The following TPR variants were observed in gnomAD, a reference collection of about 807,000 sequenced individuals.
The protein encoded by TPR is translocated promoter region, nuclear basket protein, also known as nucleoprotein TPR.
Under a neutral mutation model 316.1 loss-of-function variants are expected in TPR, and 51 were observed. The ratio of observed to expected loss-of-function variants is 0.16; its 90% confidence interval spans 0.13 to 0.20. TPR has a LOEUF of 0.20. Among genes scored for constraint, TPR ranks in the 10% least tolerant of loss-of-function variants. TPR has a pLI of 1.00. For synonymous variants in TPR, 981 were observed against 914.7 expected, an observed-to-expected ratio of 1.07 and a Z score of -1.31; for missense variants, 2,272 against 2,754.8, an observed-to-expected ratio of 0.82 and a Z score of 3.92.
chr1:186,349,955 CAATA>C (rs1311316944), intron 21 of TPR, among the ~76,000 whole-genome samples: 3 of 152,058 alleles, frequency 2.0e-5, no homozygotes, highest in Admixed American at 6.5e-5. Flanking sequence ...TTTAAAGTAT[CAATA>C]AATAGTTTCA....
intron 4 of TPR, among the ~76,000 whole-genome samples, chr1:186,365,997 T>C (rs898579688): frequency 2.0e-5 from 3 of 152,310 alleles, no homozygotes; most frequent in African/African-American, 4.8e-5. Flanking sequence ...TAACAGACTA[T>C]CTGGTGGAAG....
At chr1:186,332,513 T>C (rs554462514) in intron 37 of TPR, among the ~76,000 whole-genome samples, 170 bp from the exon 38 acceptor site, 1 of 152,212 alleles carries the variant, frequency 6.6e-6, no homozygotes, top group East Asian at 1.9e-4. Context: ...TCAACATAAT[T>C]TGTTTCTGCT....
intron 13 of TPR, 134 bp from the exon 14 acceptor site, chr1:186,357,757 T>C (rs1470603559): frequency 1.4e-6 from 1 of 706,072 alleles, no homozygotes; most frequent in African/African-American, 1.8e-5. Context: ...TCTTTAAAAA[T>C]AAAGCATCCT....
chr1:186,359,788 A>T lies in TPR; in HGVS notation c.1389+11T>A. 6.4e-7 allele frequency: 1 copy of T among 1,572,190 alleles called. No homozygotes were observed. Among genetic ancestry groups the T allele is most frequent in the Non-Finnish European group, 8.6e-7 (1 of 1,168,174 alleles). On this transcript the variant is annotated intron_variant, in intron 12 of 50. Coordinates refer to ENST00000367478, the MANE Select transcript of TPR (RefSeq NM_003292.3). ...TTGTTACCACGGCTAAATTTTAGGA[A>T]TGGAACCAACCTTCATAGCTTGTTC...
In TPR at chr1:186,318,776, A is replaced by G; in HGVS notation, c.6621T>C (p.Gly2207=). The change falls in exon 47 of 51, where the codon GGT becomes GGC. Residue 2207 remains glycine, a synonymous_variant. Coordinates refer to ENST00000367478, the MANE Select transcript of TPR (RefSeq NM_003292.3). ...GTGGAGTAGTGGGAACACTTCGGCCACCTGACTCTTCTTCATGAGCTAGGA... is the reference window on the plus strand; with the variant it reads ...GTGGAGTAGTGGGAACACTTCGGCCGCCTGACTCTTCTTCATGAGCTAGGA... ...PLFLAHEEES[G]GRSVPTTPLQ... The G allele has an allele frequency of 6.2e-7, 1 of 1,614,208 alleles. No homozygotes were observed. Among genetic ancestry groups the G allele is most frequent in the Non-Finnish European group, 8.5e-7 (1 of 1,180,040 alleles).
chr1:186,328,102 G>A (rs1658053878), intron 39 of TPR, among the ~76,000 whole-genome samples: 1 of 151,990 alleles, frequency 6.6e-6, no homozygotes, highest in Non-Finnish European at 1.5e-5. Flanking sequence ...TTTTAAAAAT[G>A]GCATTTCAAG....
At chr1:186,320,490 A>T in intron 45 of TPR, 72 bp from the exon 46 acceptor site, 10 of 1,312,812 alleles carry the variant, frequency 7.6e-6, no homozygotes, top group Non-Finnish European at 1.0e-5. Context: ...TGAAAAAAAT[A>T]TAGGAAGAAG....
chr1:186,326,204 T>C lies in TPR; in HGVS notation c.5921A>G (p.Asp1974Gly). 1 of 1,611,410 alleles carries C rather than the reference T, an allele frequency of 6.2e-7. No individual in the cohort carries two copies. The highest frequency in any genetic ancestry group is 8.5e-7 in the Non-Finnish European group (1 of 1,178,074). ...DYEEDEEDDD[D>G]DEDDTGMGDE... ...TCCCATCCCTGTGTCATCTTCATCA[T>C]CATCATCATCTTCCTCATCCTCTTC... is the stretch of plus-strand genomic sequence containing the variant. Residue 1974 changes from aspartate (D) to glycine (G), a missense_variant, in exon 41 of 51, where the codon GAT (aspartate) becomes GGT (glycine). Around this residue, in one of 10 missense-constraint regions of TPR, gnomAD observed 435 missense variants for 461.1 expected, o/e 0.94. Transcript: ENST00000367478.
At chr1:186,340,462 C>T (rs1032181253) in intron 29 of TPR, among the ~76,000 whole-genome samples, 10 of 151,544 alleles carry the variant, frequency 6.6e-5, no homozygotes, top group South Asian at 6.2e-4. Context: ...GACAGGGTCT[C>T]CCTCTCTCAC....
chr1:186,313,676 T>C lies in TPR; in HGVS notation c.*295A>G, dbSNP rs779582276. On this transcript the variant is annotated 3_prime_UTR_variant, in exon 51 of 51. Transcript: ENST00000367478. ...AACTAAAAAAATGTTTTCTCTTCCA[T>C]TTAGATCAATACTATAACATTGATG... is the stretch of plus-strand genomic sequence containing the variant. 37 of 1,563,308 alleles carry C rather than the reference T, an allele frequency of 2.4e-5. No homozygotes were observed. Among genetic ancestry groups the C allele is most frequent in the Non-Finnish European group, 3.2e-5 (36 of 1,134,312 alleles).
At chr1:186,332,381 A>G (rs1412425666) in intron 37 of TPR, 38 bp from the exon 38 acceptor site, 4 of 1,603,228 alleles carry the variant, frequency 2.5e-6, no homozygotes, top group Non-Finnish European at 3.4e-6. Context: ...GAGCATGATA[A>G]TAACTCAATT....
chr1:186,332,127 C>G, intron 38 of TPR, 68 bp downstream of exon 38: 1 of 1,499,124 alleles, frequency 6.7e-7, no homozygotes, highest in South Asian at 1.4e-5. Context: ...TTTCTTTAGG[C>G]TGTAGCTGAA....
At chr1:186,363,932 A>G (rs1437292167) in intron 4 of TPR, among the ~76,000 whole-genome samples, 1 of 152,158 alleles carries the variant, frequency 6.6e-6, no homozygotes, top group African/African-American at 2.4e-5. Context: ...TAACTGTAAT[A>G]CATACTGTAT....
intron 43 of TPR, among the ~76,000 whole-genome samples, 172 bp downstream of exon 43, chr1:186,323,514 A>G (rs1657829093): frequency 6.6e-6 from 1 of 152,206 alleles, no homozygotes; most frequent in South Asian, 2.1e-4. Flanking sequence ...AACATCCCTC[A>G]GAGATTAGTT....
chr1:186,324,910 C>T (rs1415917216), intron 42 of TPR, among the ~76,000 whole-genome samples: 1 of 152,130 alleles, frequency 6.6e-6, no homozygotes, highest in East Asian at 1.9e-4. Context: ...TCTTAACCTA[C>T]AAATTGTTTA....
chr1:186,375,055 C>T lies in TPR; in HGVS notation c.-27G>A, dbSNP rs767557725. On this transcript the variant is annotated 5_prime_UTR_variant, in exon 1 of 51. Transcript: ENST00000367478. ...TCGGTGGGGCCAGGGACCCCAGTGG[C>T]AGCGGCCGACGGGGTAGAAGCGGAG... is the stretch of plus-strand genomic sequence containing the variant. 8.7e-6 allele frequency: 14 copies of T among 1,613,734 alleles called. No individual in the cohort carries two copies. The South Asian group carries it at 1.1e-4, about 13-fold the overall frequency.
intron 26 of TPR, 133 bp downstream of exon 26, chr1:186,343,773 T>G: frequency 1.1e-6 from 1 of 921,954 alleles, no homozygotes; most frequent in Non-Finnish European, 1.6e-6. Context: ...TTAAAAGTTA[T>G]GAGTTCTTTG....
chr1:186,363,434 G>A lies in TPR; in HGVS notation c.439C>T (p.Arg147Cys), dbSNP rs975783615. ...CTTTCTTTAAGTTTTTCATTCAGAC[G>A]TTTAACATCCTCTAGAATGGTGAAG... ...ELEYLTEDVK[R>C]LNEKLKESNT... The change falls in exon 5 of 51, where the codon CGT (arginine) becomes TGT (cysteine). Residue 147 changes from arginine (R) to cysteine (C), a missense_variant. By Grantham distance (180) the Arg-to-Cys change is radical (BLOSUM62 -3). Transcript: ENST00000367478. 2.1e-5 allele frequency: 34 copies of A among 1,606,940 alleles called. No individual in the cohort carries two copies. The highest frequency in any genetic ancestry group is 2.7e-5 in the Non-Finnish European group (32 of 1,174,528).
rs764033879 is a variant in TPR at position 186,350,373 on chromosome 1, T to C, written c.2626A>G (p.Thr876Ala). ...GTCTCTGTATCCAGTTGTCTCTTTGTATCTAAAAGTTGAACCTATAAAATA... is the reference window on the plus strand; with the variant it reads ...GTCTCTGTATCCAGTTGTCTCTTTGCATCTAAAAGTTGAACCTATAAAATA... ...TRNLDVQLLD[T>A]KRQLDTETNL... Residue 876 changes from threonine (T) to alanine (A), a missense_variant, in exon 21 of 51, where the codon ACA becomes GCA. Transcript: ENST00000367478. The C allele has an allele frequency of 1.6e-5, 25 of 1,600,468 alleles. No individual in the cohort carries two copies. Among genetic ancestry groups the C allele is most frequent in the Middle Eastern group, 1.7e-4 (1 of 5,886 alleles).
Sources: allele counts gnomAD v4.1 joint callset (sites outside exome capture counted in the v4.1 genomes callset), GRCh38; gene constraint gnomAD v4.1.1; regional missense constraint gnomAD v4.1.1; transcripts MANE v1.5; gene names NCBI Gene and HGNC (gene_info 2026-07-23, HGNC 2026-07-21).